Variants in CHD4 observed in about 807,000 individuals in gnomAD.
The protein encoded by CHD4 is chromodomain helicase DNA binding protein 4.
Under a neutral mutation model 235.5 loss-of-function variants are expected in CHD4, and 35 were observed. That is an observed-to-expected ratio of 0.15 (90% confidence interval 0.11 to 0.20). The LOEUF (loss-of-function observed/expected upper bound fraction) is 0.20, where lower values mean the gene tolerates loss of function less well. Ranked by LOEUF, CHD4 falls within the 10% of genes least tolerant of loss-of-function variation. The probability of loss-of-function intolerance (pLI) is 1.00; values close to 1 mark genes in which losing one functional copy is unlikely to be tolerated. For missense variants in CHD4, 1,329 were observed against 2,432.3 expected (o/e 0.55, Z 9.54); for synonymous variants, 900 against 850.2 (o/e 1.06, Z -1.02).
At chr12:6,595,068 G>A (rs1412807465) in intron 14 of CHD4, among the ~76,000 whole-genome samples, 1 of 151,938 alleles carries the variant, frequency 6.6e-6, no homozygotes, top group East Asian at 1.9e-4. Flanking sequence ...ATAAAAGCTA[G>A]GCTATGTGGC....
Position 6,601,296 on chromosome 12 carries a change from C to T in CHD4, c.792G>A (p.Glu264=). Reference sequence around the variant, plus strand: ...ATTTGAACCCCATTTCACCTTTGCCCTCCTTGGTCTTGGCCTTGCGGATAG... The same window carrying T: ...ATTTGAACCCCATTTCACCTTTGCCTTCCTTGGTCTTGGCCTTGCGGATAG... ...EVPIRKAKTK[E]GKGPNARRKP... Residue 264 remains glutamate, a synonymous_variant, in exon 6 of 40, where the codon GAG becomes GAA. Transcript: ENST00000544040. 1 of 1,613,756 alleles carries T rather than the reference C, an allele frequency of 6.2e-7. No individual in the cohort carries two copies. The highest frequency in any genetic ancestry group is 1.3e-5 in the African/African-American group (1 of 75,024).
Position 6,606,468 on chromosome 12 carries a change from G to A in CHD4, c.-78-17C>T, listed in dbSNP as rs554964347. The A allele has an allele frequency of 9.3e-5, 61 of 653,038 alleles. 1 individual carries two copies. Among genetic ancestry groups the A allele is most frequent in the African/African-American group, 6.5e-4 (34 of 52,118 alleles). 40.5% of individuals were successfully genotyped at this position (653,038 alleles called of 1,614,324 possible). A position where few individuals can be genotyped will look rare whatever the true frequency, so the allele number is the denominator to read the frequency against. On this transcript the variant is annotated splice_polypyrimidine_tract_variant and intron_variant, in intron 1 of 39. Coordinates refer to ENST00000544040, the MANE Select transcript of CHD4 (RefSeq NM_001273.5). Reference sequence around the variant, plus strand: ...CCCGAGTCACTGTGCGGGGGAGGGGGGAGAAACACAGAACAGTCAGTGACG... The same window carrying A: ...CCCGAGTCACTGTGCGGGGGAGGGGAGAGAAACACAGAACAGTCAGTGACG...
At chr12:6,592,318 TG>T (rs1235508428) in intron 19 of CHD4, 74 bp downstream of exon 19, 24 of 1,504,290 alleles carry the variant, frequency 1.6e-5, no homozygotes, top group Middle Eastern at 4.7e-4. Flanking sequence ...TGAAGCTGAG[TG>T]GGGGAGGAAT....
rs1289621105 is a variant in CHD4 at position 6,593,542 on chromosome 12, C to T, written c.2388G>A (p.Met796Ile). The change falls in exon 16 of 40, where the codon ATG becomes ATA. Residue 796 changes from methionine to isoleucine, a missense_variant. By Grantham distance (10) the Met-to-Ile change is conservative. Around this residue, in one of 26 missense-constraint regions of CHD4, gnomAD observed 78 missense variants for 174.8 expected, o/e 0.45. Coordinates refer to ENST00000544040, the MANE Select transcript of CHD4 (RefSeq NM_001273.5). This position sits in a 1 kb window ranked among gnomAD's most constrained non-coding sequence, Gnocchi z 4.9. ...TTACGACATACATGTCTGGAGCCCA[C>T]ATTTCAAACTCCCGCTCCCAGTTGA... ...TIINWEREFEMWAPDMYVVTY... is the reference protein window; with the variant it reads ...TIINWEREFEIWAPDMYVVTY... 1 of 1,614,182 alleles carries T rather than the reference C, an allele frequency of 6.2e-7. No individual in the cohort carries two copies.
intron 38 of CHD4, among the ~76,000 whole-genome samples, chr12:6,572,412 C>A (rs776098207): frequency 1.4e-5 from 2 of 146,974 alleles, no homozygotes; most frequent in Non-Finnish European, 3.0e-5. Flanking sequence ...GGCAACAGAG[C>A]TAGACTCTAT....
intron 13 of CHD4, among the ~76,000 whole-genome samples, 194 bp from the exon 14 acceptor site, chr12:6,595,624 C>A (rs537560339): frequency 2.0e-5 from 3 of 152,006 alleles, no homozygotes; most frequent in East Asian, 3.9e-4. Context: ...CCCGTCTCTA[C>A]TAAAAATACA....
In CHD4 at chr12:6,593,101, T is replaced by C. The variant is rs1199052957; in HGVS notation, c.2642A>G (p.Asn881Ser). The change falls in exon 17 of 40, where the codon AAT becomes AGT. Residue 881 changes from asparagine (N) to serine (S), a missense_variant. Physicochemically the swap from Asn to Ser is conservative, Grantham distance 46 (BLOSUM62 1). Coordinates refer to ENST00000544040, the MANE Select transcript of CHD4 (RefSeq NM_001273.5). The surrounding 1 kb of genome is among the most constrained non-coding windows in gnomAD (Gnocchi z 4.9). ...TCCCTCAGCCCTCACCTTAGACTGA[T>C]TGTTCTTCAGCCGATGGGCTTCATC... is the stretch of plus-strand genomic sequence containing the variant. ...IVDEAHRLKN[N>S]QSKFFRVLNG... 25 of 1,613,980 alleles carry C rather than the reference T, an allele frequency of 1.5e-5. No individual in the cohort carries two copies. The highest frequency in any genetic ancestry group is 3.3e-5 in the South Asian group (3 of 91,092).
chr12:6,577,497 C>T (rs1043195190), intron 37 of CHD4, among the ~76,000 whole-genome samples: 2 of 151,986 alleles, frequency 1.3e-5, no homozygotes, highest in African/African-American at 4.8e-5. Context: ...TTCAATCCCA[C>T]CTCTATATCT....
Position 6,582,878 on chromosome 12 carries a change from A to G in CHD4, c.4206T>C (p.Pro1402=). The stretch of plus-strand genomic sequence containing the variant: ...TATTCCCACCAACACGGGCCAACAG[A>G]GGAGGCAATGGCTTATCTTTATCAT... ...LRNDKDKPLP[P]LLARVGGNIE... The change falls in exon 28 of 40, where the codon CCT becomes CCC. Residue 1402 remains proline (P), a synonymous_variant. Coordinates refer to ENST00000544040, the MANE Select transcript of CHD4 (RefSeq NM_001273.5). The G allele has an allele frequency of 6.2e-7, 1 of 1,613,998 alleles. No homozygotes were observed. Among genetic ancestry groups the G allele is most frequent in the Non-Finnish European group, 8.5e-7 (1 of 1,180,030 alleles).
chr12:6,595,585 C>T (rs566751935), intron 13 of CHD4, among the ~76,000 whole-genome samples, 155 bp from the exon 14 acceptor site: 2 of 151,958 alleles, frequency 1.3e-5, no homozygotes, highest in Admixed American at 6.6e-5. Flanking sequence ...GTCAGGAGAT[C>T]GAGACCAGCC....
chr12:6,605,789 C>T (rs1565621721), intron 2 of CHD4, among the ~76,000 whole-genome samples: 1 of 152,156 alleles, frequency 6.6e-6, no homozygotes, highest in Non-Finnish European at 1.5e-5. Flanking sequence ...CACAGAAAAC[C>T]GGTAACCGAT....
At chr12:6,579,311 G>A (rs960699297) in intron 33 of CHD4, 15 of 262,598 alleles carry the variant, frequency 5.7e-5, no homozygotes, top group Non-Finnish European at 9.0e-5. Context: ...TTAGCCAGGC[G>A]TGGTGGCTCA....
In CHD4 at chr12:6,592,587, A is replaced by G. The variant is rs375934665; in HGVS notation, c.2775-21T>C. ...AATTGCTTCAGAAAGAAAAAGGAAAAAAGTTATTGGAGAAGGAGAAAGGAA... is the reference window on the plus strand; with the variant it reads ...AATTGCTTCAGAAAGAAAAAGGAAAGAAGTTATTGGAGAAGGAGAAAGGAA... On this transcript the variant is annotated intron_variant, in intron 18 of 39. Transcript: ENST00000544040. The G allele has an allele frequency of 9.5e-6, 15 of 1,582,562 alleles. No homozygotes were observed. The African/African-American group carries it at 2.0e-4, about 22-fold the overall frequency.
In CHD4 at chr12:6,600,640, A is replaced by G; in HGVS notation, c.957T>C (p.Ser319=). ...TATTGATACTGGCATCATCGAAGTC[A>G]GATTCCACATCTAAGTCATCATCCT... The part of the protein sequence containing the change: ...SSEDDDLDVE[S]DFDDASINSY... Residue 319 remains serine, a synonymous_variant, in exon 8 of 40, where the codon TCT becomes TCC. Transcript: ENST00000544040. The G allele has an allele frequency of 6.2e-7, 1 of 1,614,152 alleles. No homozygotes were observed. The highest frequency in any genetic ancestry group is 1.3e-5 in the African/African-American group (1 of 75,046).
intron 12 of CHD4, among the ~76,000 whole-genome samples, chr12:6,597,279 A>G (rs1222687717): frequency 6.6e-6 from 1 of 151,510 alleles, no homozygotes; most frequent in East Asian, 1.9e-4. Flanking sequence ...AAAAAAAAAC[A>G]ATAATAATAA....
chr12:6,606,148 G>C lies in CHD4; in HGVS notation c.100+126C>G. The C allele has an allele frequency of 6.2e-6, 4 of 642,570 alleles. No individual in the cohort carries two copies. The South Asian group carries it at 6.4e-5, about 10-fold the overall frequency. The allele number at this position is 642,570 out of a possible 1,614,324, so 39.8% of individuals were successfully genotyped here. A position where few individuals can be genotyped will look rare whatever the true frequency, so the allele number is the denominator to read the frequency against. ...TCCGCAGAAGGGAACCACTCCCTTC[G>C]GATACCCTCCACCTCCGGCTCTGCA... On this transcript the variant is annotated intron_variant, in intron 2 of 39. Coordinates refer to ENST00000544040, the MANE Select transcript of CHD4 (RefSeq NM_001273.5).
chr12:6,594,696 T>C, intron 14 of CHD4, 46 bp from the exon 15 acceptor site: 1 of 1,552,498 alleles, frequency 6.4e-7, no homozygotes, highest in Non-Finnish European at 8.8e-7. Context: ...GGAACTCCCC[T>C]CCTCCCCTAA....
At chr12:6,584,367 G>A (rs1405979699) in intron 25 of CHD4, 1 of 152,160 alleles carries the variant, frequency 6.6e-6, no homozygotes, top group Non-Finnish European at 1.5e-5. Context: ...TTAGAGGACA[G>A]GAGAGAAAAG....
intron 15 of CHD4, 106 bp downstream of exon 15, chr12:6,594,353 G>T: frequency 1.0e-6 from 1 of 991,234 alleles, no homozygotes; most frequent in Non-Finnish European, 1.5e-6. Flanking sequence ...TGTTCTTGAA[G>T]GTCAGAGACC....
Sources: gnomAD v4.1 joint callset for allele counts (sites outside exome capture counted in the v4.1 genomes callset) on GRCh38, gnomAD v4.1.1 for gene constraint, gnomAD v4.1.1 regional missense constraint, Gnocchi (gnomAD v3.1) non-coding constraint, MANE v1.5 for transcripts, NCBI Gene and HGNC (gene_info 2026-07-23, HGNC 2026-07-21) for gene names.